PTP4A1: variants seen among roughly 807,000 people sequenced by gnomAD.
PTP4A1 encodes protein tyrosine phosphatase type IVA 1.
In PTP4A1, 9 loss-of-function variants were observed where a neutral mutation model predicts 20.5. The ratio of observed to expected loss-of-function variants is 0.44; its 90% CI spans 0.26 to 0.77. PTP4A1 has a LOEUF of 0.77. PTP4A1 is among the 30% of genes least tolerant of loss of function. The pLI is 0.19. For missense variants in PTP4A1, 137 were observed against 218.8 expected (o/e 0.63, Z 2.36); for synonymous variants, 78 against 67.4 (o/e 1.16, Z -0.77).
chr6:63,535,779 A>T (rs1018267783), intron 2 of PTP4A1, among the ~76,000 whole-genome samples: 30 of 152,136 alleles, frequency 2.0e-4, no homozygotes, highest in Non-Finnish European at 4.3e-4. Context: ...CTAGTTAAAA[A>T]TCAATAGCTA....
chr6:63,520,592 C>G (rs1581904766), upstream of PTP4A1, among the ~76,000 whole-genome samples: 2 of 151,626 alleles, frequency 1.3e-5, no homozygotes, highest in African/African-American at 4.8e-5. Context: ...GATCATGCCA[C>G]TTCACTCCAG....
chr6:63,517,693 C>T (rs1025503615), upstream of PTP4A1, among the ~76,000 whole-genome samples: 3 of 152,056 alleles, frequency 2.0e-5, no homozygotes, highest in African/African-American at 7.2e-5. Context: ...CAGAAATTGT[C>T]AATAATGATC....
intron 2 of PTP4A1, among the ~76,000 whole-genome samples, chr6:63,541,461 G>A (rs1194535980): frequency 1.3e-5 from 2 of 151,974 alleles, no homozygotes; most frequent in Non-Finnish European, 2.9e-5. Flanking sequence ...GCTGAGACAG[G>A]AAAATCGCCT....
chr6:63,556,440 C>G (rs1425037954), intron 3 of PTP4A1, among the ~76,000 whole-genome samples: 1 of 152,070 alleles, frequency 6.6e-6, no homozygotes, highest in East Asian at 1.9e-4. Flanking sequence ...CTTGGCCTGC[C>G]AAAGTGCTGG....
chr6:63,571,676 A>C (rs1485449198), upstream of PTP4A1: 1 of 152,252 alleles, frequency 6.6e-6, no homozygotes, highest in African/African-American at 2.4e-5. Context: ...AGTGAGCAGC[A>C]GTACAAAGGA....
In PTP4A1 at chr6:63,572,505, C is replaced by A. The variant is rs1777504633; in HGVS notation, c.-660C>A. On this transcript the variant is annotated 5_prime_UTR_variant, in exon 1 of 6. Transcript: ENST00000626021. Reference sequence around the variant, plus strand: ...GCCTCGGCGCGTGTATTGGCTCCTTCGGCTGCGGGCCGGCTCGGCTACGCG... The same window carrying A: ...GCCTCGGCGCGTGTATTGGCTCCTTAGGCTGCGGGCCGGCTCGGCTACGCG... The A allele has an allele frequency of 5.1e-6, 2 of 390,408 alleles. No homozygotes were observed. Among genetic ancestry groups the A allele is most frequent in the Non-Finnish European group, 9.1e-6 (2 of 220,842 alleles). 24.2% of individuals were successfully genotyped at this position (390,408 alleles called of 1,614,324 possible). A position where few individuals can be genotyped will look rare whatever the true frequency, so the allele number is the denominator to read the frequency against.
intron 2 of PTP4A1, among the ~76,000 whole-genome samples, chr6:63,541,080 A>G (rs1159603983): frequency 6.6e-6 from 1 of 152,144 alleles, no homozygotes; most frequent in Non-Finnish European, 1.5e-5. Flanking sequence ...AGAAATCCTC[A>G]CAGAATGAAT....
At chr6:63,531,358 A>G (rs532938893) in intron 2 of PTP4A1, among the ~76,000 whole-genome samples, 1 of 151,600 alleles carries the variant, frequency 6.6e-6, no homozygotes, top group East Asian at 1.9e-4. Context: ...TTTAACTAAA[A>G]CAATAAAAAA....
At chr6:63,541,483 G>A (rs1182346363) in intron 2 of PTP4A1, among the ~76,000 whole-genome samples, 1 of 152,130 alleles carries the variant, frequency 6.6e-6, no homozygotes, top group East Asian at 1.9e-4. Context: ...AACCCCGGAG[G>A]CAGAGGTTGC....
chr6:63,575,467 T>C (rs1352772089), intron 1 of PTP4A1, among the ~76,000 whole-genome samples: 4 of 152,194 alleles, frequency 2.6e-5, no homozygotes, highest in Non-Finnish European at 5.9e-5. Flanking sequence ...GATATTGGCA[T>C]AAAAATGGTT....
chr6:63,532,800 A>G (rs1020112888), intron 2 of PTP4A1, among the ~76,000 whole-genome samples: 1 of 152,204 alleles, frequency 6.6e-6, no homozygotes, highest in Non-Finnish European at 1.5e-5. Flanking sequence ...ATTGAATTCT[A>G]TTTGGGAATA....
chr6:63,580,421 A>G lies in PTP4A1; in HGVS notation c.*247A>G, dbSNP rs111875888. 1,066 of 416,132 alleles carry G rather than the reference A, an allele frequency of 2.6e-3. 7 individuals are homozygous for G. The highest frequency in any genetic ancestry group is 0.019 in the African/African-American group (942 of 50,512). The allele number at this position is 416,132 out of a possible 1,614,324, so 25.8% of individuals were successfully genotyped here. On this transcript the variant is annotated 3_prime_UTR_variant, in exon 6 of 6. Transcript: ENST00000626021. ...TAAAATGTGCTTGTCATTTGTATCA[A>G]TTGACCTTTCCCCAAATCATGCAGT...
chr6:63,548,365 A>G (rs1776292920), intron 2 of PTP4A1, among the ~76,000 whole-genome samples: 2 of 152,220 alleles, frequency 1.3e-5, no homozygotes, highest in Non-Finnish European at 2.9e-5. Context: ...GATAAAATGA[A>G]TTTATACGTA....
At chr6:63,552,947 G>A (rs532322381) in intron 3 of PTP4A1, among the ~76,000 whole-genome samples, 50 of 152,172 alleles carry the variant, frequency 3.3e-4, no homozygotes, top group East Asian at 1.4e-3. Context: ...TTTGAAGTCC[G>A]TTCATTATTT....
chr6:63,563,534 G>T (rs143255149), intron 3 of PTP4A1, among the ~76,000 whole-genome samples: 1 of 152,210 alleles, frequency 6.6e-6, no homozygotes, highest in Non-Finnish European at 1.5e-5. Context: ...CAGCCATTCT[G>T]TTGACCTCCT....
At chr6:63,522,862 CTTTT>C (rs559181707) in intron 1 of PTP4A1, among the ~76,000 whole-genome samples, 10 of 126,378 alleles carry the variant, frequency 7.9e-5, no homozygotes, top group Admixed American at 1.7e-4. Context: ...GACTAAATCA[CTTTT>C]TTTTTTTTTT....
chr6:63,548,212 G>A (rs1323548445), intron 2 of PTP4A1, among the ~76,000 whole-genome samples: 1 of 152,042 alleles, frequency 6.6e-6, no homozygotes, highest in African/African-American at 2.4e-5. Context: ...CTGCATTACT[G>A]TTATTTATCT....
At chr6:63,551,079 G>A (rs1776419008) in intron 3 of PTP4A1, among the ~76,000 whole-genome samples, 1 of 151,820 alleles carries the variant, frequency 6.6e-6, no homozygotes, top group African/African-American at 2.4e-5. Context: ...TGTTGCTGTT[G>A]TTTTGAGATG....
At chr6:63,529,215 T>TGTGTATATATATATA (rs1775344595) in intron 2 of PTP4A1, among the ~76,000 whole-genome samples, 5 of 139,434 alleles carry the variant, frequency 3.6e-5, no homozygotes, top group African/African-American at 1.5e-4. Flanking sequence ...GTATATATAT[T>TGTGTATATATATATA]TGCTAATAAC....
Sources: gnomAD v4.1 joint callset for allele counts (sites outside exome capture counted in the v4.1 genomes callset) on GRCh38, gnomAD v4.1.1 for gene constraint, MANE v1.5 for transcripts, NCBI Gene and HGNC (gene_info 2026-07-23, HGNC 2026-07-21) for gene names.